The following RS1 variants were observed in gnomAD, a reference collection of about 807,000 sequenced individuals.
RS1 encodes the protein retinoschisin.
RS1 carries 2 observed loss-of-function variants against 20.8 expected under a neutral mutation model. That is an observed-to-expected ratio of 0.10 (90% CI 0.04 to 0.30). The LOEUF (loss-of-function observed/expected upper bound fraction) is 0.30. Among genes scored for constraint, RS1 ranks in the 10% least tolerant of loss-of-function variants. RS1 has a pLI of 1.00. For synonymous variants in RS1, 70 were observed against 75.8 expected (o/e 0.92, Z 0.40); for missense variants, 151 against 189.8 (o/e 0.80, Z 1.20).
rs1927588802 is a variant in RS1 at position 18,641,891 on chromosome X, T to G, written c.*113A>C. ...AAAAATTATCTACCCAGCACTGCAGTTACAATTGCTTTGCGAAATATAGCC... is the reference window on the plus strand; with the variant it reads ...AAAAATTATCTACCCAGCACTGCAGGTACAATTGCTTTGCGAAATATAGCC... On this transcript the variant is annotated 3_prime_UTR_variant, in exon 6 of 6. Coordinates refer to ENST00000379984, the MANE Select transcript of RS1 (RefSeq NM_000330.4). The G allele has an allele frequency of 4.8e-6, 4 of 830,417 alleles. No homozygotes were observed. The highest frequency in any genetic ancestry group is 7.1e-6 in the Non-Finnish European group (4 of 562,716). 68.4% of individuals were successfully genotyped at this position (830,417 alleles called of 1,213,427 possible).
chrX:18,656,830 T>A (rs1186774373), intron 2 of RS1, 72 bp from the exon 3 acceptor site: 1 of 822,058 alleles, frequency 1.2e-6, no homozygotes, highest in Non-Finnish European at 1.8e-6. Flanking sequence ...CACGGAGTGA[T>A]CACACTCAGT....
intron 3 of RS1, among the ~76,000 whole-genome samples, chrX:18,654,338 C>A (rs1301230323): frequency 9.0e-6 from 1 of 110,584 alleles, no homozygotes; most frequent in Non-Finnish European, 1.9e-5. Context: ...GATGGGGTTT[C>A]GTCATGTTGC....
intron 3 of RS1, among the ~76,000 whole-genome samples, chrX:18,652,443 A>T (rs1337458289): frequency 2.7e-5 from 3 of 111,944 alleles, no homozygotes; most frequent in Non-Finnish European, 5.6e-5. Context: ...CCGAGGCGGG[A>T]GGATCACTTG....
intron 1 of RS1, among the ~76,000 whole-genome samples, chrX:18,659,047 A>C (rs1245127963): frequency 3.6e-5 from 4 of 112,235 alleles, no homozygotes; most frequent in Admixed American, 9.6e-5. Flanking sequence ...CTCTCTTTAT[A>C]GAAGCATGAA....
At chrX:18,647,105 C>T (rs954721180) in intron 4 of RS1, 86 bp downstream of exon 4, 30 of 1,051,882 alleles carry the variant, frequency 2.9e-5, no homozygotes, top group East Asian at 9.1e-5. Flanking sequence ...TTAGTAGAGA[C>T]GGGGTTTCAC....
At chrX:18,643,829 A>AATATAT (rs755520723) in intron 5 of RS1, among the ~76,000 whole-genome samples, 1,875 of 105,865 alleles carry the variant, frequency 0.018, 48 homozygotes, top group African/African-American at 0.06. Flanking sequence ...ATTCATAGCA[A>AATATAT]ATATATATAT....
chrX:18,655,727 G>A (rs1306694162), intron 3 of RS1, among the ~76,000 whole-genome samples: 4 of 111,417 alleles, frequency 3.6e-5, no homozygotes, highest in Non-Finnish European at 7.5e-5. Context: ...GGCTGTAGCT[G>A]TTTGGATGGC....
chrX:18,667,473 C>T (rs1036615807), intron 1 of RS1, among the ~76,000 whole-genome samples: 2 of 105,533 alleles, frequency 1.9e-5, no homozygotes, highest in East Asian at 3.0e-4. Flanking sequence ...TGAACCCAGG[C>T]GGGCGGAAGG....
intron 1 of RS1, among the ~76,000 whole-genome samples, chrX:18,666,523 C>T (rs1928406902): frequency 9.0e-6 from 1 of 111,402 alleles, no homozygotes; most frequent in Non-Finnish European, 1.9e-5. Context: ...TGCAGGGCCT[C>T]GTGGGCCATG....
chrX:18,665,218 C>T (rs1413345671), intron 1 of RS1, among the ~76,000 whole-genome samples: 1 of 112,083 alleles, frequency 8.9e-6, no homozygotes, highest in Non-Finnish European at 1.9e-5. Flanking sequence ...AGAGACTTGT[C>T]TCTTTCATCC....
intron 3 of RS1, among the ~76,000 whole-genome samples, chrX:18,655,137 A>G (rs150106566): frequency 0.014 from 1,554 of 111,949 alleles, 33 homozygotes; most frequent in African/African-American, 0.047. Context: ...GTGAGCTCTT[A>G]GGAGGCTGGT....
intron 3 of RS1, among the ~76,000 whole-genome samples, chrX:18,651,579 G>C (rs934070822): frequency 1.8e-5 from 2 of 110,955 alleles, no homozygotes; most frequent in Non-Finnish European, 3.8e-5. Context: ...GGCTCAGAGG[G>C]AGAGGAGCCA....
In RS1 at chrX:18,646,068, G is replaced by A. The variant is rs2147192682; in HGVS notation, c.326+1123C>T. On this transcript the variant is annotated intron_variant, in intron 4 of 5. Coordinates refer to ENST00000379984, the MANE Select transcript of RS1 (RefSeq NM_000330.4). ...CTGGACCCCAAGATAGACGCTTCAT[G>A]TTAAGGACGACAGAACAACAAGGTA... The A allele has an allele frequency of 8.3e-7, 1 of 1,210,260 alleles. No homozygotes were observed. The highest frequency in any genetic ancestry group is 1.1e-6 in the Non-Finnish European group (1 of 895,267).
intron 1 of RS1, among the ~76,000 whole-genome samples, chrX:18,662,493 G>A (rs1210030409): frequency 4.5e-5 from 5 of 110,494 alleles, no homozygotes; most frequent in Non-Finnish European, 9.5e-5. Flanking sequence ...GATGTTCCTC[G>A]CTCTGTCTCC....
rs1366978266 is a variant in RS1, at chrX:18,639,746, T to C, written c.*2258A>G. Among the ~76,000 whole-genome samples, 1 of 112,122 alleles carries C rather than the reference T, an allele frequency of 8.9e-6. No homozygotes were observed. The highest frequency in any genetic ancestry group is 1.9e-5 in the Non-Finnish European group (1 of 53,255). On this transcript the variant is annotated 3_prime_UTR_variant, in exon 6 of 6. Transcript: ENST00000379984. ...AATAGCTAAAGAGTGGAAACCCAAA[T>C]ATCCATCAATGGATGAATGGATAAA...
intron 5 of RS1, 69 bp from the exon 6 acceptor site, chrX:18,642,225 G>A: frequency 9.1e-7 from 1 of 1,095,300 alleles, no homozygotes; most frequent in Non-Finnish European, 1.3e-6. Flanking sequence ...TTCCTTTCTG[G>A]AGCTAGCCCC....
At chrX:18,662,876 C>T (rs1268802253) in intron 1 of RS1, among the ~76,000 whole-genome samples, 1 of 110,520 alleles carries the variant, frequency 9.0e-6, no homozygotes, top group Non-Finnish European at 1.9e-5. Context: ...ATCCGCCCAC[C>T]TCGGCCTCCC....
chrX:18,651,264 T>TGTGTGTGTGAGAGA (rs1491242962), intron 3 of RS1, among the ~76,000 whole-genome samples: 2 of 69,012 alleles, frequency 2.9e-5, no homozygotes, highest in African/African-American at 1.3e-4. Context: ...TGTGTGTGTG[T>TGTGTGTGTGAGAGA]GAGAGAGAGA....
At chrX:18,642,761 C>A (rs1927629895) in intron 5 of RS1, among the ~76,000 whole-genome samples, 1 of 112,234 alleles carries the variant, frequency 8.9e-6, no homozygotes, top group Non-Finnish European at 1.9e-5. Flanking sequence ...AAAACTTGGC[C>A]AGGCGCAGTG....
Sources: gnomAD v4.1 joint callset for allele counts (sites outside exome capture counted in the v4.1 genomes callset) on GRCh38, gnomAD v4.1.1 for gene constraint, MANE v1.5 for transcripts, NCBI Gene and HGNC (gene_info 2026-07-23, HGNC 2026-07-21) for gene names.